FBXL17: variants seen among roughly 807,000 people sequenced by gnomAD.
The protein encoded by FBXL17 is F-box/LRR-repeat protein 17.
Under a neutral mutation model 66.2 loss-of-function variants are expected in FBXL17, and 22 were observed. The ratio of observed to expected loss-of-function variants is 0.33; its 90% confidence interval spans 0.24 to 0.47. The LOEUF is 0.47. Ranked by LOEUF, FBXL17 falls within the 20% of genes least tolerant of loss-of-function variation. The probability of loss-of-function intolerance (pLI) is 1.00; values close to 1 mark genes in which losing one functional copy is unlikely to be tolerated. For missense variants in FBXL17, 878 were observed against 948.2 expected, an observed-to-expected ratio of 0.93 and a Z score of 0.97; for synonymous variants, 474 against 400.5, an observed-to-expected ratio of 1.18 and a Z score of -2.19.
intron 6 of FBXL17, among the ~76,000 whole-genome samples, chr5:108,134,441 A>C (rs1054280474): frequency 6.6e-6 from 1 of 152,204 alleles, no homozygotes; most frequent in Non-Finnish European, 1.5e-5. Context: ...ATTTCTAACC[A>C]TAAGTTTTTA....
chr5:108,187,792 C>A (rs1291364805), intron 5 of FBXL17, among the ~76,000 whole-genome samples: 1 of 152,206 alleles, frequency 6.6e-6, no homozygotes, highest in Non-Finnish European at 1.5e-5. Flanking sequence ...CCTGGTGAGA[C>A]CTGTGTCAGA....
chr5:108,260,935 A>C (rs1000220574), intron 4 of FBXL17, among the ~76,000 whole-genome samples: 1 of 152,194 alleles, frequency 6.6e-6, no homozygotes, highest in African/African-American at 2.4e-5. Context: ...GTATGTGCTG[A>C]AGCAGAATTA....
intron 8 of FBXL17, among the ~76,000 whole-genome samples, chr5:107,865,377 G>T (rs895399670): frequency 1.3e-5 from 2 of 148,662 alleles, no homozygotes; most frequent in African/African-American, 5.1e-5. Flanking sequence ...GAAAATAATT[G>T]TTCACTTTAG....
chr5:108,284,114 G>C (rs1757806665), intron 4 of FBXL17, among the ~76,000 whole-genome samples: 1 of 151,810 alleles, frequency 6.6e-6, no homozygotes, highest in South Asian at 2.1e-4. Context: ...AACCTCTAGG[G>C]AAACAGTATG....
intron 6 of FBXL17, among the ~76,000 whole-genome samples, chr5:108,121,231 G>A (rs924071990): frequency 3.9e-5 from 6 of 152,090 alleles, no homozygotes; most frequent in African/African-American, 1.4e-4. Context: ...GGGAGGCTGA[G>A]GCAGGAGAAT....
intron 5 of FBXL17, among the ~76,000 whole-genome samples, chr5:108,192,155 T>A (rs912155670): frequency 2.6e-5 from 4 of 152,224 alleles, no homozygotes; most frequent in Non-Finnish European, 1.5e-5. Context: ...GTGCCCCCAG[T>A]GTTTCATAAA....
intron 8 of FBXL17, among the ~76,000 whole-genome samples, chr5:107,866,087 G>GT (rs10712806): frequency 6.7e-5 from 10 of 150,088 alleles, no homozygotes; most frequent in Non-Finnish European, 8.9e-5. Flanking sequence ...TAAAGATGAA[G>GT]TTTTTTTTTT....
intron 3 of FBXL17, among the ~76,000 whole-genome samples, chr5:108,364,427 C>T (rs1748533541): frequency 6.6e-6 from 1 of 151,756 alleles, no homozygotes. Flanking sequence ...TTTTTAAAAC[C>T]TCATGCTGAC....
At chr5:108,275,810 C>T (rs1235371544) in intron 4 of FBXL17, among the ~76,000 whole-genome samples, 1 of 152,150 alleles carries the variant, frequency 6.6e-6, no homozygotes, top group Non-Finnish European at 1.5e-5. Context: ...CCAGAAGCAG[C>T]CTCAGCTGTG....
chr5:108,050,118 G>A (rs1054714473), intron 6 of FBXL17, among the ~76,000 whole-genome samples: 2 of 152,194 alleles, frequency 1.3e-5, no homozygotes, highest in East Asian at 1.9e-4. Flanking sequence ...AAGAGACTTA[G>A]ACTCCCACAC....
intron 3 of FBXL17, among the ~76,000 whole-genome samples, chr5:108,360,686 T>C (rs1210153633): frequency 6.6e-6 from 1 of 152,124 alleles, no homozygotes; most frequent in Non-Finnish European, 1.5e-5. Context: ...GCCCCTTTTA[T>C]TTCTCCTTTC....
intron 4 of FBXL17, among the ~76,000 whole-genome samples, chr5:108,243,548 C>A (rs149467303): frequency 8.9e-4 from 136 of 152,204 alleles, no homozygotes; most frequent in African/African-American, 2.9e-3. Context: ...TTAAAGTAAT[C>A]TTCCCAAGAT....
intron 6 of FBXL17, among the ~76,000 whole-genome samples, chr5:108,097,646 G>A (rs1051678400): frequency 5.3e-5 from 8 of 152,048 alleles, no homozygotes; most frequent in South Asian, 2.1e-4. Flanking sequence ...AAAATTAGCC[G>A]GGCGTGGTGG....
chr5:108,310,833 C>A (rs1759079583), intron 4 of FBXL17, among the ~76,000 whole-genome samples: 1 of 152,132 alleles, frequency 6.6e-6, no homozygotes, highest in Admixed American at 6.6e-5. Flanking sequence ...TCCTTCTTTA[C>A]ACATGTCCTA....
intron 7 of FBXL17, among the ~76,000 whole-genome samples, chr5:107,991,974 G>C (rs1753268736): frequency 6.6e-6 from 1 of 152,092 alleles, no homozygotes; most frequent in South Asian, 2.1e-4. Flanking sequence ...GCTTAAATCA[G>C]AGTATCAGAA....
chr5:108,173,716 GT>G (rs1752691992), intron 6 of FBXL17, among the ~76,000 whole-genome samples: 1 of 152,166 alleles, frequency 6.6e-6, no homozygotes, highest in Non-Finnish European at 1.5e-5. Flanking sequence ...CTACTTGCTT[GT>G]TTGACAATAT....
At chr5:108,302,024 T>C in intron 4 of FBXL17, 2 of 985,006 alleles carry the variant, frequency 2.0e-6, no homozygotes, top group African/African-American at 3.5e-5. Flanking sequence ...GTGATTGGAA[T>C]ATGACATTTC....
At chr5:108,304,217 C>T (rs1758731218) in intron 4 of FBXL17, among the ~76,000 whole-genome samples, 1 of 151,898 alleles carries the variant, frequency 6.6e-6, no homozygotes, top group Non-Finnish European at 1.5e-5. Context: ...TTATCTACTA[C>T]CGTATAATTC....
chr5:108,314,053 A>G (rs1009966971), intron 4 of FBXL17, among the ~76,000 whole-genome samples: 52 of 151,864 alleles, frequency 3.4e-4, no homozygotes, highest in Non-Finnish European at 1.6e-4. Flanking sequence ...GGTAAATAGG[A>G]GTTCTTTGTG....
Sources: gnomAD v4.1 joint callset for allele counts (sites outside exome capture counted in the v4.1 genomes callset) on GRCh38, gnomAD v4.1.1 for gene constraint, MANE v1.5 for transcripts, NCBI Gene and HGNC (gene_info 2026-07-23, HGNC 2026-07-21) for gene names.